ACAN: variants seen among roughly 807,000 people sequenced by gnomAD.
ACAN encodes aggrecan core protein.
Under a neutral mutation model 169.1 loss-of-function variants are expected in ACAN, and 47 were observed. That is an observed-to-expected ratio of 0.28 (90% CI 0.22 to 0.35). ACAN has a LOEUF of 0.35. Ranked by LOEUF, ACAN falls within the 10% of genes least tolerant of loss-of-function variation. The probability of loss-of-function intolerance (pLI) is 1.00; values close to 1 mark genes in which losing one functional copy is unlikely to be tolerated. For missense variants in ACAN, 2,716 were observed against 2,759.9 expected (o/e 0.98, Z 0.36); for synonymous variants, 1,115 against 1,112.2 (o/e 1.00, Z -0.05).
intron 8 of ACAN, 132 bp downstream of exon 8, chr15:88,847,549 C>A: frequency 8.9e-7 from 1 of 1,127,756 alleles, no homozygotes; most frequent in Non-Finnish European, 1.2e-6. Context: ...AGTGACTCAA[C>A]TGAGGCATAT....
chr15:88,863,181 T>G (rs1897231399), intron 13 of ACAN, among the ~76,000 whole-genome samples: 1 of 152,178 alleles, frequency 6.6e-6, no homozygotes, highest in South Asian at 2.1e-4. Flanking sequence ...GTCATCTTTT[T>G]TAGTCAATCT....
Position 88,858,712 on chromosome 15 carries a change from G to C in ACAN, c.6127G>C (p.Glu2043Gln). Reference sequence around the variant, plus strand: ...TACTTTAATCACTTCTGAGTTCGTGGAGGGTGTTACTGAACCAACTATTTC... The same window carrying C: ...TACTTTAATCACTTCTGAGTTCGTGCAGGGTGTTACTGAACCAACTATTTC... ...EVTLITSEFV[E>Q]GVTEPTISQE... is the part of the protein sequence containing the mutation. The change falls in exon 12 of 19, where the codon GAG becomes CAG. Residue 2043 changes from glutamate (E) to glutamine (Q), a missense_variant. Physicochemically the swap from Glu to Gln is conservative, Grantham distance 29. Transcript: ENST00000560601. The surrounding 1 kb of genome is among the most constrained non-coding windows in gnomAD (Gnocchi z 4.0). 1 of 1,613,952 alleles carries C rather than the reference G, an allele frequency of 6.2e-7. No individual in the cohort carries two copies. Among genetic ancestry groups the C allele is most frequent in the Non-Finnish European group, 8.5e-7 (1 of 1,179,888 alleles).
At chr15:88,829,537 G>A (rs767768178) in intron 1 of ACAN, among the ~76,000 whole-genome samples, 29 of 152,140 alleles carry the variant, frequency 1.9e-4, no homozygotes, top group Non-Finnish European at 3.8e-4. Flanking sequence ...TCCCAGCCTC[G>A]AGTGCATATG....
chr15:88,824,864 A>G (rs1347207560), intron 1 of ACAN, among the ~76,000 whole-genome samples: 1 of 151,226 alleles, frequency 6.6e-6, no homozygotes, highest in Non-Finnish European at 1.5e-5. Context: ...TGCACTCTAG[A>G]CTGGCTGACA....
chr15:88,839,936 A>G lies in ACAN; in HGVS notation c.455-76A>G. Reference sequence around the variant, plus strand: ...TAAGGTCCCTTTGACTATTGCCATAATTCTGCGAGGGCCTCGGTGATCAGA... The same window carrying G: ...TAAGGTCCCTTTGACTATTGCCATAGTTCTGCGAGGGCCTCGGTGATCAGA... On this transcript the variant is annotated intron_variant, in intron 3 of 18. Coordinates refer to ENST00000560601, the MANE Select transcript of ACAN (RefSeq NM_001369268.1). The surrounding 1 kb of genome is among the most constrained non-coding windows in gnomAD (Gnocchi z 4.5). 6.6e-7 allele frequency: 1 copy of G among 1,521,654 alleles called. No homozygotes were observed. Among genetic ancestry groups the G allele is most frequent in the Non-Finnish European group, 8.9e-7 (1 of 1,124,422 alleles). 94.3% of individuals were successfully genotyped at this position (1,521,654 alleles called of 1,614,324 possible).
At position 88,807,513 on chromosome 15, in the gene ACAN, C is replaced by T. The variant is rs1028831248; in HGVS notation, c.-8+3704C>T. ...CCCAGATCCAACAGGACACAGCCAT[C>T]CCTGCGAGGGAGTCTGGGCCCCTGG... On this transcript the variant is annotated intron_variant, in intron 1 of 18. Coordinates refer to ENST00000560601, the MANE Select transcript of ACAN (RefSeq NM_001369268.1). The surrounding 1 kb of genome is among the most constrained non-coding windows in gnomAD (Gnocchi z 4.0). Among the ~76,000 whole-genome samples, 1 of 152,150 alleles carries T rather than the reference C, an allele frequency of 6.6e-6. No individual in the cohort carries two copies. The highest frequency in any genetic ancestry group is 2.4e-5 in the African/African-American group (1 of 41,444).
Position 88,874,687 on chromosome 15 carries a change from G to A in ACAN, c.*206G>A, listed in dbSNP as rs1262275971. ...ACCGCATCTAATTTGTCCGCCGAAT[G>A]CCAAAGCAAAGCAAACTTATTATAA... is the stretch of plus-strand genomic sequence containing the variant. On this transcript the variant is annotated 3_prime_UTR_variant, in exon 19 of 19. Transcript: ENST00000560601. This position sits in a 1 kb window ranked among gnomAD's most constrained non-coding sequence, Gnocchi z 7.3. 6.0e-6 allele frequency: 4 copies of A among 666,686 alleles called. No individual in the cohort carries two copies. The African/African-American group carries it at 7.1e-5, about 12-fold the overall frequency. 41.3% of individuals were successfully genotyped at this position (666,686 alleles called of 1,614,324 possible).
intron 11 of ACAN, among the ~76,000 whole-genome samples, chr15:88,854,122 A>G (rs772556813): frequency 9.2e-5 from 14 of 152,232 alleles, no homozygotes; most frequent in Non-Finnish European, 1.2e-4. Flanking sequence ...CTGTTTTTCA[A>G]ATTGTCTGTA....
At chr15:88,825,969 T>C (rs1024533675) in intron 1 of ACAN, among the ~76,000 whole-genome samples, 3 of 152,156 alleles carry the variant, frequency 2.0e-5, no homozygotes, top group African/African-American at 7.2e-5. Context: ...AACAGCTCCG[T>C]GGGCTGATTT....
At chr15:88,823,804 A>G (rs1041074609) in intron 1 of ACAN, among the ~76,000 whole-genome samples, 1 of 152,048 alleles carries the variant, frequency 6.6e-6, no homozygotes, top group African/African-American at 2.4e-5. Context: ...GGGGTCACCT[A>G]CTACTCCCTG....
chr15:88,867,049 G>A (rs778350347), intron 13 of ACAN, among the ~76,000 whole-genome samples: 7 of 152,188 alleles, frequency 4.6e-5, no homozygotes, highest in Non-Finnish European at 8.8e-5. Context: ...CTTCATAATA[G>A]CATTTATCAT....
intron 1 of ACAN, among the ~76,000 whole-genome samples, chr15:88,833,814 G>A (rs1309172100): frequency 6.9e-6 from 1 of 145,774 alleles, no homozygotes; most frequent in Non-Finnish European, 1.5e-5. Context: ...AAGCCCCACA[G>A]AGCACTCCTA....
chr15:88,848,657 T>A (rs1263287357), intron 9 of ACAN, among the ~76,000 whole-genome samples: 1 of 152,254 alleles, frequency 6.6e-6, no homozygotes, highest in Non-Finnish European at 1.5e-5. Context: ...TTGTTTTATT[T>A]CATTTCTTTT....
intron 6 of ACAN, among the ~76,000 whole-genome samples, chr15:88,844,284 C>T (rs1312048310): frequency 6.8e-6 from 1 of 147,320 alleles, no homozygotes; most frequent in African/African-American, 2.5e-5. Flanking sequence ...ACAGGCACCA[C>T]CATGCTTTGC....
chr15:88,840,962 G>A (rs943530065), intron 4 of ACAN, among the ~76,000 whole-genome samples: 4 of 152,070 alleles, frequency 2.6e-5, no homozygotes, highest in African/African-American at 9.7e-5. Flanking sequence ...AGCTAACATG[G>A]TGAAACCCCA....
Position 88,857,959 on chromosome 15 carries a change from G to T in ACAN, c.5374G>T (p.Val1792Phe). The change falls in exon 12 of 19, where the codon GTC (valine) becomes TTC (phenylalanine). Residue 1792 changes from valine to phenylalanine, a missense_variant. By Grantham distance (50) the Val-to-Phe change is conservative. Around this residue, in one of 3 missense-constraint regions of ACAN, gnomAD observed 1,389 missense variants for 1,363.7 expected, o/e 1.02. Transcript: ENST00000560601. ...TGATCTGAGTGGAGAAACATCTGGG[G>T]TCCCTGATCTCAGTGGGCAGCCTTC... Reference protein sequence around the residue: ...ITDLSGETSGVPDLSGQPSGL... With the variant: ...ITDLSGETSGFPDLSGQPSGL... 3 of 1,613,840 alleles carry T rather than the reference G, an allele frequency of 1.9e-6. No individual in the cohort carries two copies. Among genetic ancestry groups the T allele is most frequent in the Non-Finnish European group, 2.5e-6 (3 of 1,179,880 alleles).
Position 88,851,888 on chromosome 15 carries a change from T to C in ACAN, c.2121T>C (p.Pro707=), listed in dbSNP as rs377172993. Reference sequence around the variant, plus strand: ...AGTGGATCGTGACCCAAGTGGTTCCTGGTGTGGCTGCTGTCCCCGTAGAAG... The same window carrying C: ...AGTGGATCGTGACCCAAGTGGTTCCCGGTGTGGCTGCTGTCCCCGTAGAAG... The part of the protein sequence containing the change: ...VEEWIVTQVV[P]GVAAVPVEEE... Residue 707 remains proline (P), a synonymous_variant, in exon 11 of 19, where the codon CCT becomes CCC. Transcript: ENST00000560601. The surrounding 1 kb of genome is among the most constrained non-coding windows in gnomAD (Gnocchi z 4.3). 39 of 1,612,332 alleles carry C rather than the reference T, an allele frequency of 2.4e-5. No homozygotes were observed. In the African/African-American group the frequency reaches 5.1e-4, roughly 21 times the overall value.
Position 88,840,070 on chromosome 15 carries a change from G to A in ACAN, c.513G>A (p.Ala171=), listed in dbSNP as rs541976828. ...STRYTLDFDR[A]QRACLQNSAI... ...GCTACACCCTCGACTTTGACAGGGC[G>A]CAGCGGGCCTGCCTGCAGAACAGTG... The change falls in exon 4 of 19, where the codon GCG becomes GCA. Residue 171 remains alanine, a synonymous_variant. Transcript: ENST00000560601. The A allele has an allele frequency of 2.2e-5, 35 of 1,602,620 alleles. No homozygotes were observed. Among genetic ancestry groups the A allele is most frequent in the African/African-American group, 8.0e-5 (6 of 74,882 alleles).
chr15:88,855,024 C>A lies in ACAN; in HGVS notation c.2439C>A (p.Pro813=), dbSNP rs754184356. Reference sequence around the variant, plus strand: ...CATTCCCCTCAGTGAGGCCATTCCCCTCAGTGGAGCTGTTCCCCTCAGAGG... The same window carrying A: ...CATTCCCCTCAGTGAGGCCATTCCCATCAGTGGAGCTGTTCCCCTCAGAGG... The part of the protein sequence containing the change: ...EEPFPSVRPF[P]SVELFPSEEP... Residue 813 remains proline (P), a synonymous_variant, in exon 12 of 19, where the codon CCC becomes CCA. Coordinates refer to ENST00000560601, the MANE Select transcript of ACAN (RefSeq NM_001369268.1). The A allele has an allele frequency of 6.3e-6, 10 of 1,593,352 alleles. No individual in the cohort carries two copies. The South Asian group carries it at 1.2e-4, about 18-fold the overall frequency.
Sources: allele counts gnomAD v4.1 joint callset (sites outside exome capture counted in the v4.1 genomes callset), GRCh38; gene constraint gnomAD v4.1.1; regional missense constraint gnomAD v4.1.1; non-coding constraint Gnocchi (gnomAD v3.1); transcripts MANE v1.5; gene names NCBI Gene and HGNC (gene_info 2026-07-23, HGNC 2026-07-21).